Variants in SLC9A6 observed in about 807,000 individuals in gnomAD.
The protein encoded by SLC9A6 is sodium/hydrogen exchanger 6.
Under a neutral mutation model 45.3 loss-of-function variants are expected in SLC9A6, and 6 were observed. The observed-to-expected ratio is 0.13, with a 90% CI of 0.07 to 0.26. The LOEUF (loss-of-function observed/expected upper bound fraction) is 0.26, where lower values mean the gene tolerates loss of function less well. Among genes scored for constraint, SLC9A6 ranks in the 10% least tolerant of loss-of-function variants. SLC9A6 has a pLI of 1.00. For synonymous variants in SLC9A6, 191 were observed against 187.7 expected (o/e 1.02, Z -0.14); for missense variants, 278 against 503.7 (o/e 0.55, Z 4.29).
At chrX:136,005,229 T>G (rs2089639156) in intron 7 of SLC9A6, among the ~76,000 whole-genome samples, 2 of 112,801 alleles carry the variant, frequency 1.8e-5, no homozygotes, top group Admixed American at 1.9e-4. Context: ...GAGGAAAAGA[T>G]AAAAACCCTC....
At chrX:136,033,327 C>G in intron 15 of SLC9A6, 87 bp from the exon 16 acceptor site, 1 of 567,154 alleles carries the variant, frequency 1.8e-6, no homozygotes, top group Non-Finnish European at 3.0e-6. Flanking sequence ...ATATAGTAGC[C>G]TCTATTTCTG....
At chrX:135,984,505 G>A (rs1401014140), upstream of SLC9A6, among the ~76,000 whole-genome samples, 3 of 111,218 alleles carry the variant, frequency 2.7e-5, no homozygotes, top group Admixed American at 2.9e-4. Context: ...AGGAGCGATC[G>A]GAGAAATACA....
chrX:135,981,060 G>C (rs1010148624), upstream of SLC9A6, among the ~76,000 whole-genome samples: 3 of 111,602 alleles, frequency 2.7e-5, no homozygotes, highest in Admixed American at 9.5e-5. Flanking sequence ...GGGGGCCATA[G>C]AGCCCTTTCT....
chrX:135,986,077 C>T (rs1000032334), intron 2 of SLC9A6, among the ~76,000 whole-genome samples: 2 of 110,048 alleles, frequency 1.8e-5, no homozygotes, highest in Non-Finnish European at 3.8e-5. Context: ...TTCCTCCGCA[C>T]CCCCAGCCCC....
chrX:135,978,062 G>C (rs1413614507), intron 1 of SLC9A6, among the ~76,000 whole-genome samples: 1 of 112,405 alleles, frequency 8.9e-6, no homozygotes, highest in Non-Finnish European at 1.9e-5. Flanking sequence ...TATCAGCATT[G>C]AGTGAGATCA....
At chrX:136,042,565 G>T (rs782540688) in intron 17 of SLC9A6, among the ~76,000 whole-genome samples, 1 of 112,087 alleles carries the variant, frequency 8.9e-6, no homozygotes, top group South Asian at 3.7e-4. Flanking sequence ...ATACAGTATG[G>T]AATGTACAAA....
chrX:135,989,054 T>C (rs1259042753), intron 2 of SLC9A6, among the ~76,000 whole-genome samples: 3 of 111,563 alleles, frequency 2.7e-5, no homozygotes, highest in African/African-American at 9.8e-5. Context: ...GGGGTCAAAA[T>C]GGGATGCCTA....
intron 7 of SLC9A6, among the ~76,000 whole-genome samples, chrX:136,008,538 G>T (rs1181192619): frequency 8.9e-6 from 1 of 112,394 alleles, no homozygotes; most frequent in African/African-American, 3.2e-5. Flanking sequence ...ACTGCGTCCG[G>T]CCAAGACTAT....
chrX:136,025,815 T>G (rs1253260151), intron 13 of SLC9A6, among the ~76,000 whole-genome samples: 1 of 111,835 alleles, frequency 8.9e-6, no homozygotes, highest in Non-Finnish European at 1.9e-5. Flanking sequence ...CTTTCTTAAT[T>G]TTTTTAGAAA....
At chrX:136,031,765 T>C (rs1437526547) in intron 15 of SLC9A6, among the ~76,000 whole-genome samples, 1 of 111,778 alleles carries the variant, frequency 8.9e-6, no homozygotes, top group Non-Finnish European at 1.9e-5. Flanking sequence ...AACCTTATAC[T>C]AAGTATGGAG....
At chrX:136,002,283 T>C (rs1450083468) in intron 7 of SLC9A6, 70 bp downstream of exon 7, 6 of 710,092 alleles carry the variant, frequency 8.4e-6, no homozygotes, top group African/African-American at 6.3e-5. Flanking sequence ...AAGTCACTTA[T>C]TGAATAAAGT....
At chrX:135,979,600 C>T (rs1375161017) in intron 1 of SLC9A6, among the ~76,000 whole-genome samples, 1 of 111,730 alleles carries the variant, frequency 9.0e-6, no homozygotes, top group African/African-American at 3.3e-5. Context: ...TCCCACTCAC[C>T]CACCCAATCA....
rs2071595344 is a variant in SLC9A6, at chrX:136,046,130, T to TG, written c.*1406_*1407insG. On this transcript the variant is annotated 3_prime_UTR_variant, in exon 18 of 18. Coordinates refer to ENST00000630721, the MANE Select transcript of SLC9A6 (RefSeq NM_001379110.1). ...CAGAAGAAAAACAAACTTTTTTGGA[T>TG]TTTTTTTCCCTCAGGTCTGAGTAGC... 1 of 112,157 alleles carries TG rather than the reference T, an allele frequency of 8.9e-6. No homozygotes were observed. The highest frequency in any genetic ancestry group is 9.5e-5 in the Admixed American group (1 of 10,550). The allele number at this position is 112,157 out of a possible 1,213,427, so 9.2% of individuals were successfully genotyped here.
At chrX:136,026,653 A>G (rs1240595614) in intron 13 of SLC9A6, among the ~76,000 whole-genome samples, 2 of 110,153 alleles carry the variant, frequency 1.8e-5, no homozygotes, top group Non-Finnish European at 3.8e-5. Flanking sequence ...CTCCTGCCTC[A>G]GCCTCCCAAG....
intron 17 of SLC9A6, 66 bp downstream of exon 17, chrX:136,040,247 C>A: frequency 1.3e-6 from 1 of 789,633 alleles, no homozygotes; most frequent in Non-Finnish European, 1.9e-6. Flanking sequence ...GTGGATGAGT[C>A]ACTGGTTTTA....
chrX:135,985,969 A>G, intron 2 of SLC9A6, 142 bp downstream of exon 2: 1 of 698,655 alleles, frequency 1.4e-6, no homozygotes, highest in Non-Finnish European at 2.1e-6. Flanking sequence ...CCTTCCCCCT[A>G]CCCCGCGTTT....
At chrX:135,990,811 A>G (rs1270185658) in intron 2 of SLC9A6, among the ~76,000 whole-genome samples, 1 of 111,565 alleles carries the variant, frequency 9.0e-6, no homozygotes, top group African/African-American at 3.3e-5. Flanking sequence ...AAAAAGAACC[A>G]TGGTTGGGCT....
chrX:136,036,610 C>T (rs2071417030), intron 16 of SLC9A6, among the ~76,000 whole-genome samples: 1 of 112,665 alleles, frequency 8.9e-6, no homozygotes, highest in South Asian at 3.6e-4. Flanking sequence ...ACCTCCTGGG[C>T]TCAGGTGATC....
chrX:135,982,522 C>T (rs1323737551), upstream of SLC9A6, among the ~76,000 whole-genome samples: 1 of 106,647 alleles, frequency 9.4e-6, no homozygotes, highest in Non-Finnish European at 1.9e-5. Context: ...CTCACTCTGT[C>T]ACCCAGTCTG....
Sources: allele counts gnomAD v4.1 joint callset (sites outside exome capture counted in the v4.1 genomes callset), GRCh38; gene constraint gnomAD v4.1.1; transcripts MANE v1.5; gene names NCBI Gene and HGNC (gene_info 2026-07-23, HGNC 2026-07-21).